Variants in DACH2 observed in about 807,000 individuals in gnomAD.
The protein encoded by DACH2 is dachshund family transcription factor 2.
In DACH2, 17 loss-of-function variants were observed where a neutral mutation model predicts 35.8. The observed-to-expected ratio is 0.48, with a 90% CI of 0.33 to 0.71. The LOEUF (loss-of-function observed/expected upper bound fraction) is 0.71. DACH2 is among the 30% of genes least tolerant of loss of function. The pLI is 0.02. For missense variants in DACH2, 469 were observed against 472.7 expected (o/e 0.99, Z 0.07); for synonymous variants, 195 against 177.3 (o/e 1.10, Z -0.79).
chrX:86,522,759 C>G, intron 3 of DACH2, among the ~76,000 whole-genome samples: 1 of 111,666 alleles, frequency 9.0e-6, no homozygotes, highest in East Asian at 2.8e-4. Flanking sequence ...CCCAATAGCT[C>G]ATTCTGATAT....
At chrX:86,775,998 T>C (rs559358988) in intron 7 of DACH2, among the ~76,000 whole-genome samples, 5 of 111,521 alleles carry the variant, frequency 4.5e-5, no homozygotes, top group African/African-American at 1.6e-4. Context: ...GGTGGAAACT[T>C]AATGTGAACC....
intron 1 of DACH2, among the ~76,000 whole-genome samples, chrX:86,336,660 C>T (rs892834676): frequency 9.0e-6 from 1 of 111,026 alleles, no homozygotes; most frequent in African/African-American, 3.3e-5. Context: ...AACCAGAATG[C>T]CTCTTCTCCT....
chrX:86,387,885 A>G (rs937631118), intron 2 of DACH2, among the ~76,000 whole-genome samples: 1 of 112,347 alleles, frequency 8.9e-6, no homozygotes, highest in African/African-American at 3.2e-5. Flanking sequence ...TCCATGTAAC[A>G]AAATGCAGGC....
chrX:86,688,727 G>T (rs1318813257), intron 4 of DACH2, among the ~76,000 whole-genome samples: 1 of 111,855 alleles, frequency 8.9e-6, no homozygotes, highest in Admixed American at 9.5e-5. Context: ...TTGAATTGAA[G>T]ATGCTGTAGA....
chrX:86,423,169 C>A (rs1280928093), intron 2 of DACH2, among the ~76,000 whole-genome samples: 4 of 111,293 alleles, frequency 3.6e-5, no homozygotes, highest in Non-Finnish European at 5.7e-5. Flanking sequence ...GATTTCATTT[C>A]TTTTGGGTAT....
At chrX:86,653,716 A>G (rs1330850410) in intron 4 of DACH2, among the ~76,000 whole-genome samples, 2 of 89,967 alleles carry the variant, frequency 2.2e-5, no homozygotes, top group Non-Finnish European at 4.2e-5. Context: ...CCCAGGCTGG[A>G]GTGCAGTGGC....
In DACH2 at chrX:86,449,430, CTTTA is replaced by C. The variant is rs748276176; in HGVS notation, c.528-64840_528-64837del. On this transcript the variant is annotated intron_variant, in intron 2 of 11. Transcript: ENST00000373125. ...GATCTTTCCTGCTTTCTCTTTGTTT[CTTTA>C]TTTATTTAGCCACTCTATATCTTTT... 2.6e-4 allele frequency among the ~76,000 whole-genome samples: 29 copies of C among 110,147 alleles called. No homozygotes were observed. In the East Asian group the frequency reaches 3.1e-3, roughly 12 times the overall value.
chrX:86,354,952 C>T (rs2035618539), intron 1 of DACH2, among the ~76,000 whole-genome samples: 1 of 111,526 alleles, frequency 9.0e-6, no homozygotes, highest in South Asian at 3.7e-4. Context: ...GGTATATGTG[C>T]AATTTTATTC....
intron 3 of DACH2, among the ~76,000 whole-genome samples, chrX:86,539,499 T>G (rs187363662): frequency 2.2e-3 from 242 of 111,896 alleles, no homozygotes; most frequent in Non-Finnish European, 3.8e-3. Context: ...TCATAGGGTA[T>G]TACCTTCCCA....
chrX:86,341,624 C>T (rs193129264), intron 1 of DACH2, among the ~76,000 whole-genome samples: 4 of 112,066 alleles, frequency 3.6e-5, no homozygotes, highest in South Asian at 3.7e-4. Context: ...AAGGCTACAG[C>T]GGCCATAGAT....
chrX:86,815,630 C>CGTGT (rs2042441626), intron 10 of DACH2, among the ~76,000 whole-genome samples: 1 of 103,048 alleles, frequency 9.7e-6, no homozygotes, highest in Non-Finnish European at 2.0e-5. Context: ...TATATATACA[C>CGTGT]ATATATATAA....
At chrX:86,237,967 C>G (rs1173137136) in intron 1 of DACH2, among the ~76,000 whole-genome samples, 1 of 112,074 alleles carries the variant, frequency 8.9e-6, no homozygotes, top group Non-Finnish European at 1.9e-5. Flanking sequence ...CAGCTCTTCT[C>G]TCCTTCTTAT....
intron 1 of DACH2, among the ~76,000 whole-genome samples, chrX:86,185,797 G>A (rs989938264): frequency 5.4e-5 from 6 of 111,493 alleles, no homozygotes; most frequent in Non-Finnish European, 9.4e-5. Flanking sequence ...CATTGTATTC[G>A]TTACTGTGTC....
At chrX:86,330,919 A>T (rs1482410368) in intron 1 of DACH2, among the ~76,000 whole-genome samples, 1 of 112,025 alleles carries the variant, frequency 8.9e-6, no homozygotes, top group Non-Finnish European at 1.9e-5. Context: ...AACAACTACA[A>T]AGAACATGAT....
At chrX:86,475,131 T>G (rs1165094364) in intron 2 of DACH2, among the ~76,000 whole-genome samples, 1 of 111,580 alleles carries the variant, frequency 9.0e-6, no homozygotes, top group Non-Finnish European at 1.9e-5. Context: ...AATTTTGTTG[T>G]TTTTACTCGG....
intron 3 of DACH2, among the ~76,000 whole-genome samples, chrX:86,616,043 A>C (rs1602703546): frequency 9.0e-6 from 1 of 111,130 alleles, no homozygotes; most frequent in East Asian, 2.8e-4. Context: ...CTGTTTCTAC[A>C]TTAGTTTGCT....
chrX:86,801,598 G>A lies in DACH2; in HGVS notation c.1241-11258G>A, dbSNP rs146430979. On this transcript the variant is annotated intron_variant, in intron 7 of 11. Coordinates refer to ENST00000373125, the MANE Select transcript of DACH2 (RefSeq NM_053281.3). ...GGTATAATTGCACAGTTATTAGTGA[G>A]CATATTGATAAAAATGTCAAATCTG... is the stretch of plus-strand genomic sequence containing the variant. 5.1e-3 allele frequency among the ~76,000 whole-genome samples: 567 copies of A among 112,075 alleles called. 1 individual carries two copies. The highest frequency in any genetic ancestry group is 0.018 in the African/African-American group (547 of 30,901).
intron 3 of DACH2, among the ~76,000 whole-genome samples, chrX:86,551,341 A>C (rs998807735): frequency 8.9e-6 from 1 of 111,896 alleles, no homozygotes; most frequent in Non-Finnish European, 1.9e-5. Context: ...ATCCTTGAAT[A>C]TTACAGCATA....
intron 3 of DACH2, among the ~76,000 whole-genome samples, chrX:86,529,308 G>A (rs1213059180): frequency 9.1e-6 from 1 of 110,155 alleles, no homozygotes; most frequent in African/African-American, 3.3e-5. Context: ...GCCTCCCAAA[G>A]TGCTGGGATT....
Sources: gnomAD v4.1 joint callset for allele counts (sites outside exome capture counted in the v4.1 genomes callset) on GRCh38, gnomAD v4.1.1 for gene constraint, MANE v1.5 for transcripts, NCBI Gene and HGNC (gene_info 2026-07-23, HGNC 2026-07-21) for gene names.